The following FBXW8 variants were observed in gnomAD, a reference collection of about 807,000 sequenced individuals.
FBXW8 encodes the protein F-box/WD repeat-containing protein 8.
FBXW8 carries 57 observed loss-of-function variants against 65.3 expected under a neutral mutation model. That is an observed-to-expected ratio of 0.87 (90% confidence interval 0.71 to 1.09). The LOEUF (loss-of-function observed/expected upper bound fraction) is 1.09, where lower values mean the gene tolerates loss of function less well. FBXW8 is among the 50% of genes least tolerant of loss of function. The pLI is 0.00. For synonymous variants in FBXW8, 308 were observed against 330.2 expected (o/e 0.93, Z 0.73); for missense variants, 777 against 814.8 (o/e 0.95, Z 0.57).
rs566959112 is a variant in FBXW8, at chr12:116,988,318, C to T, written c.1033-345C>T. Among the ~76,000 whole-genome samples the T allele has an allele frequency of 3.6e-4, 55 of 152,316 alleles. No homozygotes were observed. The South Asian group carries it at 8.5e-3, about 23-fold the overall frequency. ...TTGGACAAGATTATATCCCCACCAG[C>T]AGTAAGTGGGATCCAGAAACATGGA... On this transcript the variant is annotated intron_variant, in intron 6 of 10. Coordinates refer to ENST00000652555, the MANE Select transcript of FBXW8 (RefSeq NM_153348.3).
intron 4 of FBXW8, chr12:116,950,586 A>C (rs982897834): frequency 3.3e-5 from 5 of 152,238 alleles, no homozygotes; most frequent in African/African-American, 1.2e-4. Context: ...TAGAAATTCC[A>C]CACAGTCGGA....
intron 4 of FBXW8, among the ~76,000 whole-genome samples, chr12:116,952,861 C>T (rs983168619): frequency 6.6e-6 from 1 of 152,130 alleles, no homozygotes; most frequent in African/African-American, 2.4e-5. Flanking sequence ...CTTCAGCCTC[C>T]CGAGTAGCTG....
At chr12:117,009,774 G>C (rs1458055631) in intron 7 of FBXW8, among the ~76,000 whole-genome samples, 1 of 152,172 alleles carries the variant, frequency 6.6e-6, no homozygotes, top group Non-Finnish European at 1.5e-5. Flanking sequence ...CAAGCAGAGA[G>C]TGAAGAGAAA....
intron 7 of FBXW8, among the ~76,000 whole-genome samples, chr12:116,992,761 G>GGTGT (rs59119067): frequency 0.19 from 26,512 of 143,288 alleles, 2,502 homozygotes; most frequent in South Asian, 0.24. Context: ...ATTATTCCAT[G>GGTGT]GTGTGTGTGT....
chr12:116,992,398 C>G (rs1281145372), intron 7 of FBXW8, among the ~76,000 whole-genome samples: 1 of 149,678 alleles, frequency 6.7e-6, no homozygotes, highest in East Asian at 1.9e-4. Context: ...GTATTTTTGC[C>G]CTTTTTTTTT....
Position 117,027,446 on chromosome 12 carries a change from G to T in FBXW8, c.1594G>T (p.Val532Leu). The stretch of plus-strand genomic sequence containing the variant: ...CAGCCACAGCCTCATCACGGCCAAC[G>T]TGCCTTACCAGACGGTAATGCGAAA... ...FSSHSLITAN[V>L]PYQTVMRNAD... is the part of the protein sequence containing the mutation. The change falls in exon 10 of 11, where the codon GTG becomes TTG. Residue 532 changes from valine to leucine, a missense_variant. Physicochemically the swap from Val to Leu is conservative, Grantham distance 32. Transcript: ENST00000652555. 6.2e-7 allele frequency: 1 copy of T among 1,614,138 alleles called. No individual in the cohort carries two copies. The highest frequency in any genetic ancestry group is 8.5e-7 in the Non-Finnish European group (1 of 1,180,024).
At chr12:116,949,387 G>A (rs773390076) in intron 3 of FBXW8, 116 of 542,268 alleles carry the variant, frequency 2.1e-4, no homozygotes, top group Non-Finnish European at 3.2e-4. Context: ...TGTCTCACAC[G>A]TCCTGTGTCC....
intron 9 of FBXW8, 120 bp downstream of exon 9, chr12:117,024,440 C>T (rs1189240335): frequency 8.6e-7 from 1 of 1,156,236 alleles, no homozygotes; most frequent in East Asian, 2.5e-5. Context: ...CCAGGTGAAT[C>T]CTTACTGTGA....
chr12:116,988,752 A>T lies in FBXW8; in HGVS notation c.1122A>T (p.Glu374Asp), dbSNP rs1265413156. ...AGDLMYLLKAEDSARTLLYAH... is the reference protein window; with the variant it reads ...AGDLMYLLKADDSARTLLYAH... Reference sequence around the variant, plus strand: ...ATCTGATGTACCTGCTCAAAGCCGAAGACTCCGCCAGAACCCTCCTTTACG... The same window carrying T: ...ATCTGATGTACCTGCTCAAAGCCGATGACTCCGCCAGAACCCTCCTTTACG... Residue 374 changes from glutamate to aspartate, a missense_variant, in exon 7 of 11, where the codon GAA (glutamate) becomes GAT (aspartate). Glu to Asp is a conservative substitution (Grantham distance 45). Transcript: ENST00000652555. 3.1e-6 allele frequency: 5 copies of T among 1,614,088 alleles called. No homozygotes were observed. Among genetic ancestry groups the T allele is most frequent in the African/African-American group, 1.3e-5 (1 of 74,926 alleles).
chr12:116,946,319 T>A (rs571754176), intron 3 of FBXW8, among the ~76,000 whole-genome samples: 1 of 152,164 alleles, frequency 6.6e-6, no homozygotes, highest in Non-Finnish European at 1.5e-5. Context: ...CTAACCTGAT[T>A]AGTGACCAAT....
intron 7 of FBXW8, among the ~76,000 whole-genome samples, chr12:116,997,268 A>C (rs79316175): frequency 0.027 from 4,071 of 152,154 alleles, 181 homozygotes; most frequent in African/African-American, 0.087. Flanking sequence ...TTCTGTGAAA[A>C]GTGTCGTTTG....
At chr12:116,917,502 A>G (rs1880524475) in intron 1 of FBXW8, among the ~76,000 whole-genome samples, 1 of 152,196 alleles carries the variant, frequency 6.6e-6, no homozygotes, top group African/African-American at 2.4e-5. Flanking sequence ...CACTTTCATT[A>G]GTGCACCCTG....
At chr12:116,964,278 A>C in intron 4 of FBXW8, among the ~76,000 whole-genome samples, 1 of 152,186 alleles carries the variant, frequency 6.6e-6, no homozygotes, top group East Asian at 1.9e-4. Flanking sequence ...ATTAGTTCTG[A>C]GTATCCCTGC....
Position 116,911,191 on chromosome 12 carries a change from GA to G in FBXW8, c.155del (p.Asp52AlafsTer28). On this transcript the variant is annotated frameshift_variant, in exon 1 of 11. Coordinates refer to ENST00000652555, the MANE Select transcript of FBXW8 (RefSeq NM_153348.3). LOFTEE classifies it high-confidence loss of function. ...GSGRGEQASG[D>X]PALAQRLLEG... ...CGGGCGCGGCGAACAGGCCTCGGGG[GA>G]CCCGGCGCTGGCCCAGCGTCTCCTG... The G allele has an allele frequency of 7.8e-7, 1 of 1,289,062 alleles. No homozygotes were observed. Among genetic ancestry groups the G allele is most frequent in the Non-Finnish European group, 9.8e-7 (1 of 1,024,188 alleles). The allele number at this position is 1,289,062 out of a possible 1,614,324, so 79.9% of individuals were successfully genotyped here.
At chr12:116,927,077 G>C (rs936713228) in intron 1 of FBXW8, among the ~76,000 whole-genome samples, 2 of 152,174 alleles carry the variant, frequency 1.3e-5, no homozygotes, top group Non-Finnish European at 2.9e-5. Context: ...TATTAAGCGA[G>C]TGCTGTTGGG....
At chr12:117,022,383 A>G (rs2135723785) in intron 8 of FBXW8, among the ~76,000 whole-genome samples, 1 of 151,684 alleles carries the variant, frequency 6.6e-6, no homozygotes, top group Admixed American at 6.6e-5. Flanking sequence ...GGCTGGGTGC[A>G]ATGGCACATG....
chr12:116,926,192 G>A (rs1379319557), intron 1 of FBXW8, among the ~76,000 whole-genome samples: 1 of 152,224 alleles, frequency 6.6e-6, no homozygotes, highest in Admixed American at 6.5e-5. Flanking sequence ...TGAGTCTTAA[G>A]TGGAACCAAT....
At chr12:116,967,128 G>T (rs1412176988) in intron 5 of FBXW8, among the ~76,000 whole-genome samples, 1 of 151,562 alleles carries the variant, frequency 6.6e-6, no homozygotes, top group Non-Finnish European at 1.5e-5. Context: ...TTTTACTCGT[G>T]GGGGGTCCTG....
At chr12:116,988,079 GTTAT>G (rs1953140024) in intron 6 of FBXW8, among the ~76,000 whole-genome samples, 2 of 152,188 alleles carry the variant, frequency 1.3e-5, no homozygotes, top group African/African-American at 4.8e-5. Flanking sequence ...GATACACTGA[GTTAT>G]TTAATTAGTC....
Sources: allele counts gnomAD v4.1 joint callset (sites outside exome capture counted in the v4.1 genomes callset), GRCh38; gene constraint gnomAD v4.1.1; transcripts MANE v1.5; gene names NCBI Gene and HGNC (gene_info 2026-07-23, HGNC 2026-07-21).